The following TET3 variants were observed in gnomAD, a reference collection of about 807,000 sequenced individuals.
TET3 encodes tet methylcytosine dioxygenase 3.
TET3 carries 19 observed loss-of-function variants against 141.4 expected under a neutral mutation model. The ratio of observed to expected loss-of-function variants is 0.13; its 90% CI spans 0.09 to 0.20. The LOEUF (loss-of-function observed/expected upper bound fraction) is 0.20. Ranked by LOEUF, TET3 falls within the 10% of genes least tolerant of loss-of-function variation. TET3 has a pLI of 1.00. For missense variants in TET3, 1,874 were observed against 2,356.9 expected (o/e 0.80, Z 4.24); for synonymous variants, 1,043 against 980.9 (o/e 1.06, Z -1.18).
chr2:73,984,184 C>G (rs1046677227), upstream of TET3, among the ~76,000 whole-genome samples: 2 of 152,260 alleles, frequency 1.3e-5, no homozygotes, highest in African/African-American at 2.4e-5. The surrounding 1 kb of genome is among the most constrained non-coding windows in gnomAD (Gnocchi z 5.6). Flanking sequence ...GCGACGCGCC[C>G]GTTCCCCCTC....
the TET3 span, chr2:74,121,842 A>G: frequency 6.6e-6 from 1 of 152,238 alleles, no homozygotes; most frequent in Non-Finnish European, 1.5e-5. Flanking sequence ...TACCAAAAAT[A>G]CAAAAATTAA....
intron 4 of TET3, among the ~76,000 whole-genome samples, chr2:74,057,182 C>G (rs1417780982): frequency 6.6e-6 from 1 of 152,226 alleles, no homozygotes; most frequent in Admixed American, 6.5e-5. Context: ...AACAAAAATC[C>G]TGCCAACTGT....
chr2:73,988,989 A>ATTTTT, intron 2 of TET3, among the ~76,000 whole-genome samples: 1 of 128,946 alleles, frequency 7.8e-6, no homozygotes, highest in African/African-American at 3.5e-5. Flanking sequence ...AAAAAAAAAA[A>ATTTTT]GTTTTTTTTG....
chr2:74,005,137 G>A (rs1338930495), intron 3 of TET3, among the ~76,000 whole-genome samples: 3 of 152,180 alleles, frequency 2.0e-5, no homozygotes, highest in South Asian at 2.1e-4. Flanking sequence ...TTCCAAGTGT[G>A]TTCTCCGTGT....
chr2:74,030,290 G>A (rs897609154), intron 3 of TET3, among the ~76,000 whole-genome samples: 15 of 152,030 alleles, frequency 9.9e-5, no homozygotes, highest in African/African-American at 3.4e-4. Context: ...TGTGTGCTTG[G>A]TTTTACATAG....
chr2:74,118,158 T>C, the TET3 span, among the ~76,000 whole-genome samples: 3 of 152,246 alleles, frequency 2.0e-5, no homozygotes, highest in Non-Finnish European at 1.5e-5. Flanking sequence ...TTGCATACTA[T>C]AGTAAAAAGT....
chr2:74,004,598 C>T (rs1452557766), intron 3 of TET3, among the ~76,000 whole-genome samples: 2 of 152,170 alleles, frequency 1.3e-5, no homozygotes, highest in African/African-American at 4.8e-5. Context: ...GGGGCATCGG[C>T]TTCCCCGTCT....
At chr2:74,024,425 T>C (rs946957249) in intron 3 of TET3, among the ~76,000 whole-genome samples, 1 of 152,098 alleles carries the variant, frequency 6.6e-6, no homozygotes, top group Non-Finnish European at 1.5e-5. Flanking sequence ...CCAGGCACTC[T>C]GTTTCTCCTG....
chr2:74,083,370 C>T (rs1488434664), intron 6 of TET3, among the ~76,000 whole-genome samples: 1 of 152,192 alleles, frequency 6.6e-6, no homozygotes, highest in Non-Finnish European at 1.5e-5. Context: ...AAGGCAGGTA[C>T]TTGTAGGCTC....
In TET3 at chr2:74,074,518, G is replaced by A. The variant is rs1412261885; in HGVS notation, c.2585+879G>A. Among the ~76,000 whole-genome samples the A allele has an allele frequency of 9.2e-5, 14 of 152,194 alleles. No individual in the cohort carries two copies. In the East Asian group the frequency reaches 1.3e-3, roughly 15 times the overall value. ...GATGGAGACTTGGAAACCCATGTGCGTGTCCACGGCAGGTAGTAAACACTC... is the reference window on the plus strand; with the variant it reads ...GATGGAGACTTGGAAACCCATGTGCATGTCCACGGCAGGTAGTAAACACTC... On this transcript the variant is annotated intron_variant, in intron 5 of 11. Coordinates refer to ENST00000409262, the MANE Select transcript of TET3 (RefSeq NM_001287491.2).
At chr2:74,129,669 C>T in the TET3 span, among the ~76,000 whole-genome samples, 1 of 151,966 alleles carries the variant, frequency 6.6e-6, no homozygotes, top group South Asian at 2.1e-4. Context: ...AAGGGCATTA[C>T]TTGAACATCA....
the TET3 span, among the ~76,000 whole-genome samples, chr2:74,131,776 A>G: frequency 3.3e-5 from 5 of 152,192 alleles, no homozygotes; most frequent in African/African-American, 4.8e-5. Flanking sequence ...TCAAAAAGCT[A>G]GGAGGTGGCT....
At chr2:74,015,864 T>G (rs111947597) in intron 3 of TET3, among the ~76,000 whole-genome samples, 4,083 of 152,262 alleles carry the variant, frequency 0.027, 170 homozygotes, top group African/African-American at 0.093. Context: ...TTTTGCCATT[T>G]GGCTAGGTAA....
At chr2:74,119,651 A>C in the TET3 span, among the ~76,000 whole-genome samples, 4 of 152,230 alleles carry the variant, frequency 2.6e-5, no homozygotes, top group African/African-American at 9.6e-5. Context: ...AGGAGGTGTT[A>C]CTTTAAGACT....
chr2:74,090,187 C>A (rs1370913641), intron 8 of TET3, 140 bp downstream of exon 8: 23 of 1,318,048 alleles, frequency 1.7e-5, no homozygotes, highest in Non-Finnish European at 2.4e-5. Flanking sequence ...TAAAAGCTGA[C>A]CTTATCTTGC....
At chr2:74,090,118 G>A (rs1690394580) in intron 8 of TET3, 71 bp downstream of exon 8, 1 of 1,581,900 alleles carries the variant, frequency 6.3e-7, no homozygotes, top group Non-Finnish European at 8.6e-7. Context: ...TCCAGCGGGA[G>A]GTAGTACTGG....
the TET3 span, among the ~76,000 whole-genome samples, chr2:74,128,071 C>G: frequency 6.6e-6 from 1 of 152,138 alleles, no homozygotes; most frequent in Non-Finnish European, 1.5e-5. Flanking sequence ...TGTATAGAAG[C>G]CTTCTCTAAC....
At position 74,081,723 on chromosome 2, in the gene TET3, CAT is replaced by C. The variant is rs576995665; in HGVS notation, c.2679+1133_2679+1134del. Reference sequence around the variant, plus strand: ...TAGGAAATTCTGACATATGCTACAACATGTGTAGGACGTATGTGCCTGTTTTT... The same window carrying C: ...TAGGAAATTCTGACATATGCTACAACGTGTAGGACGTATGTGCCTGTTTTT... On this transcript the variant is annotated intron_variant, in intron 6 of 11. Coordinates refer to ENST00000409262, the MANE Select transcript of TET3 (RefSeq NM_001287491.2). 1.5e-3 allele frequency among the ~76,000 whole-genome samples: 223 copies of C among 152,332 alleles called. 2 individuals are homozygous for C. Among genetic ancestry groups the C allele is most frequent in the African/African-American group, 5.2e-3 (215 of 41,570 alleles).
At chr2:73,987,893 C>G (rs1002180334) in intron 2 of TET3, among the ~76,000 whole-genome samples, 1 of 152,196 alleles carries the variant, frequency 6.6e-6, no homozygotes, top group African/African-American at 2.4e-5. Context: ...AGTGCAGAGC[C>G]TCACAGCGAG....
Sources: allele counts gnomAD v4.1 joint callset (sites outside exome capture counted in the v4.1 genomes callset), GRCh38; gene constraint gnomAD v4.1.1; non-coding constraint Gnocchi (gnomAD v3.1); transcripts MANE v1.5; gene names NCBI Gene and HGNC (gene_info 2026-07-23, HGNC 2026-07-21).